PAFAH1B1: variants seen among roughly 807,000 people sequenced by gnomAD.
PAFAH1B1 encodes the protein platelet activating factor acetylhydrolase 1b regulatory subunit 1.
In PAFAH1B1, 2 loss-of-function variants were observed where a neutral mutation model predicts 57.5. The observed-to-expected ratio is 0.03, with a 90% CI of 0.01 to 0.11. The LOEUF is 0.11. Ranked by LOEUF, PAFAH1B1 falls within the 10% of genes least tolerant of loss-of-function variation. PAFAH1B1 has a pLI of 1.00. For synonymous variants in PAFAH1B1, 152 were observed against 169.6 expected, an observed-to-expected ratio of 0.90 and a Z score of 0.81; for missense variants, 257 against 512.0, an observed-to-expected ratio of 0.50 and a Z score of 4.81.
chr17:2,655,724 T>C (rs74921415), intron 2 of PAFAH1B1, among the ~76,000 whole-genome samples: 3,802 of 151,058 alleles, frequency 0.025, 74 homozygotes, highest in Middle Eastern at 0.055. Flanking sequence ...TTCACACACA[T>C]GTGTAAGATG....
intron 2 of PAFAH1B1, among the ~76,000 whole-genome samples, chr17:2,660,613 A>G (rs1178645928): frequency 6.6e-6 from 1 of 152,158 alleles, no homozygotes; most frequent in Non-Finnish European, 1.5e-5. Context: ...ATAGTATTCC[A>G]TGGTGTATGT....
intron 7 of PAFAH1B1, among the ~76,000 whole-genome samples, chr17:2,673,294 T>C (rs1241760730): frequency 6.6e-6 from 1 of 152,158 alleles, no homozygotes; most frequent in Non-Finnish European, 1.5e-5. Flanking sequence ...AATGGCTTAT[T>C]TCCTCTGTGG....
chr17:2,665,485 A>G (rs750986578), intron 3 of PAFAH1B1, 29 bp downstream of exon 3: 43 of 1,247,444 alleles, frequency 3.4e-5, no homozygotes, highest in Non-Finnish European at 5.0e-5. Context: ...AATTCAAAGT[A>G]TAGTTAATGA....
At chr17:2,594,172 C>T (rs1435849429) in intron 1 of PAFAH1B1, among the ~76,000 whole-genome samples, 166 bp downstream of exon 1, 2 of 152,100 alleles carry the variant, frequency 1.3e-5, no homozygotes, top group African/African-American at 4.8e-5. Context: ...TCTCTCCTCG[C>T]TCTCAAAATG....
At chr17:2,659,520 CAAAAA>C (rs1162326785) in intron 2 of PAFAH1B1, 292 of 42,624 alleles carry the variant, frequency 6.9e-3, no homozygotes, top group South Asian at 0.03. Context: ...ACTGCCTCGC[CAAAAA>C]AAAAAAAAAA....
At chr17:2,655,181 A>ATGTGTGTGTGTGTGTG (rs1436866557) in intron 2 of PAFAH1B1, among the ~76,000 whole-genome samples, 79 of 122,738 alleles carry the variant, frequency 6.4e-4, no homozygotes, top group African/African-American at 2.4e-3. Context: ...ATATATACAT[A>ATGTGTGTGTGTGTGTG]TATGTGTGTG....
intron 1 of PAFAH1B1, among the ~76,000 whole-genome samples, chr17:2,618,628 G>A (rs1420986510): frequency 1.3e-5 from 2 of 151,824 alleles, no homozygotes; most frequent in Admixed American, 1.3e-4. Flanking sequence ...GTTAATGATG[G>A]AGTTTTATTT....
chr17:2,624,327 C>G (rs911395635), intron 1 of PAFAH1B1, among the ~76,000 whole-genome samples: 1 of 152,192 alleles, frequency 6.6e-6, no homozygotes, highest in Non-Finnish European at 1.5e-5. Flanking sequence ...AAAGTCACTT[C>G]CTCATTTCCG....
At chr17:2,609,827 A>T (rs979556856) in intron 1 of PAFAH1B1, among the ~76,000 whole-genome samples, 2 of 150,784 alleles carry the variant, frequency 1.3e-5, no homozygotes, top group African/African-American at 2.4e-5. Context: ...AGAATATTTT[A>T]ATATATATAT....
intron 1 of PAFAH1B1, among the ~76,000 whole-genome samples, chr17:2,633,171 T>C (rs2068576277): frequency 6.6e-6 from 1 of 151,092 alleles, no homozygotes; most frequent in African/African-American, 2.5e-5. Context: ...TTTTTCTTTC[T>C]TTTCTTTTTT....
At chr17:2,623,261 CTTTTTTTTTTTT>C (rs376810275) in intron 1 of PAFAH1B1, among the ~76,000 whole-genome samples, 1 of 103,970 alleles carries the variant, frequency 9.6e-6, no homozygotes, top group Non-Finnish European at 1.8e-5. Flanking sequence ...TTTTTCCTTT[CTTTTTTTTTTTT>C]TTTTTTTTTT....
At chr17:2,618,601 C>T (rs901356636) in intron 1 of PAFAH1B1, among the ~76,000 whole-genome samples, 1 of 151,910 alleles carries the variant, frequency 6.6e-6, no homozygotes, top group African/African-American at 2.4e-5. Context: ...AATTATTTGA[C>T]TGCATTATAG....
intron 1 of PAFAH1B1, among the ~76,000 whole-genome samples, chr17:2,596,403 G>GA (rs2068084464): frequency 6.6e-6 from 1 of 152,052 alleles, no homozygotes; most frequent in Non-Finnish European, 1.5e-5. Context: ...AAAAGGTGGG[G>GA]AAAAAAGGAT....
rs746409915 is a variant in PAFAH1B1 at position 2,681,823 on chromosome 17, C to T, written c.*21C>T. On this transcript the variant is annotated 3_prime_UTR_variant, in exon 11 of 11. Coordinates refer to ENST00000397195, the MANE Select transcript of PAFAH1B1 (RefSeq NM_000430.4). ...GTTGATTGTGTCTCCTTCGGCCCCT[C>T]CTCCCTCTTTTCCTCTGGATGCACT... 2.3e-5 allele frequency: 37 copies of T among 1,586,382 alleles called. No individual in the cohort carries two copies. In the South Asian group the frequency reaches 4.1e-4, roughly 18 times the overall value.
intron 2 of PAFAH1B1, among the ~76,000 whole-genome samples, chr17:2,659,077 C>T (rs2068977865): frequency 6.6e-6 from 1 of 152,060 alleles, no homozygotes; most frequent in Admixed American, 6.5e-5. Flanking sequence ...ATGGCAAAAC[C>T]CCGTCTCTAC....
intron 1 of PAFAH1B1, among the ~76,000 whole-genome samples, chr17:2,624,599 G>A (rs746384659): frequency 5.3e-5 from 8 of 152,080 alleles, no homozygotes; most frequent in Non-Finnish European, 1.0e-4. Flanking sequence ...ACTTACTATC[G>A]CAACAATAGC....
chr17:2,607,775 C>G (rs1463310269), intron 1 of PAFAH1B1, among the ~76,000 whole-genome samples: 3 of 152,144 alleles, frequency 2.0e-5, no homozygotes, highest in African/African-American at 7.2e-5. Flanking sequence ...TGTGAATCAC[C>G]GCACCCGGCT....
intron 2 of PAFAH1B1, among the ~76,000 whole-genome samples, chr17:2,653,650 T>C (rs2068897311): frequency 6.6e-6 from 1 of 152,106 alleles, no homozygotes; most frequent in African/African-American, 2.4e-5. Context: ...TTTGTTAATA[T>C]AGGGCAACAA....
intron 1 of PAFAH1B1, among the ~76,000 whole-genome samples, chr17:2,637,032 C>T (rs1163637123): frequency 2.0e-5 from 3 of 152,114 alleles, no homozygotes; most frequent in Non-Finnish European, 4.4e-5. Context: ...GCCTCTCATT[C>T]TTCTTTCTTC....
Sources: allele counts gnomAD v4.1 joint callset (sites outside exome capture counted in the v4.1 genomes callset), GRCh38; gene constraint gnomAD v4.1.1; transcripts MANE v1.5; gene names NCBI Gene and HGNC (gene_info 2026-07-23, HGNC 2026-07-21).